The following VPS13A variants were observed in gnomAD, a reference collection of about 807,000 sequenced individuals.
The protein encoded by VPS13A is vacuolar protein sorting 13 homolog A.
VPS13A carries 264 observed loss-of-function variants against 390.9 expected under a neutral mutation model. The ratio of observed to expected loss-of-function variants is 0.68; its 90% confidence interval spans 0.61 to 0.75. The LOEUF (loss-of-function observed/expected upper bound fraction) is 0.75. Ranked by LOEUF, VPS13A falls within the 30% of genes least tolerant of loss-of-function variation. VPS13A has a pLI of 0.00. For missense variants in VPS13A, 3,409 were observed against 3,733.9 expected (o/e 0.91, Z 2.27); for synonymous variants, 1,231 against 1,227.1 (o/e 1.00, Z -0.07).
At position 77,238,294 on chromosome 9, in the gene VPS13A, A is replaced by T. The variant is rs1376398985; in HGVS notation, c.1808A>T (p.Glu603Val). Reference sequence around the variant, plus strand: ...CAGAGGACAGTGAATAGTATAGTGGAATTCTTCAGACCTCCAAAAGAGGTA... The same window carrying T: ...CAGAGGACAGTGAATAGTATAGTGGTATTCTTCAGACCTCCAAAAGAGGTA... ...YDARTVNSIV[E>V]FFRPPKEVHL... Residue 603 changes from glutamate (E) to valine (V), a missense_variant, in exon 19 of 72, where the codon GAA becomes GTA. This residue lies in a region of VPS13A where 2,717 missense variants were observed against 2,917.4 expected (regional missense o/e 0.93). Transcript: ENST00000360280. 3 of 1,613,860 alleles carry T rather than the reference A, an allele frequency of 1.9e-6. No individual in the cohort carries two copies. Among genetic ancestry groups the T allele is most frequent in the Non-Finnish European group, 2.5e-6 (3 of 1,179,926 alleles).
intron 29 of VPS13A, 128 bp from the exon 30 acceptor site, chr9:77,283,227 A>C (rs1382259460): frequency 1.6e-6 from 1 of 624,100 alleles, no homozygotes; most frequent in Non-Finnish European, 2.9e-6. Context: ...CTTGCTTTCA[A>C]CTGAATTGCA....
chr9:77,352,069 G>T (rs1038120827), intron 53 of VPS13A, among the ~76,000 whole-genome samples: 1 of 152,128 alleles, frequency 6.6e-6, no homozygotes, highest in African/African-American at 2.4e-5. Context: ...GAATAAAGTT[G>T]TGTTTAGAGA....
chr9:77,360,791 A>G (rs1432347414), intron 59 of VPS13A, 150 bp downstream of exon 59: 7 of 611,742 alleles, frequency 1.1e-5, no homozygotes, highest in Admixed American at 3.1e-5. Flanking sequence ...CTTTTTAGAA[A>G]TCTTATTTTC....
intron 52 of VPS13A, among the ~76,000 whole-genome samples, chr9:77,348,107 G>A (rs1305050199): frequency 6.6e-6 from 1 of 152,142 alleles, no homozygotes; most frequent in Admixed American, 6.5e-5. Flanking sequence ...ATTTGACCCA[G>A]CAGTCCCCTT....
intron 10 of VPS13A, among the ~76,000 whole-genome samples, chr9:77,216,300 C>T (rs1822859390): frequency 6.6e-6 from 1 of 152,102 alleles, no homozygotes; most frequent in Non-Finnish European, 1.5e-5. Context: ...TGATAACTGG[C>T]ATACCTGTTG....
rs989363847 is a variant in VPS13A at position 77,190,876 on chromosome 9, G to T, written c.101-9069G>T. Among the ~76,000 whole-genome samples the T allele has an allele frequency of 3.3e-5, 5 of 152,040 alleles. No individual in the cohort carries two copies. The East Asian group carries it at 9.6e-4, about 29-fold the overall frequency. On this transcript the variant is annotated intron_variant, in intron 1 of 71. Transcript: ENST00000360280. ...AGTGTGCATAGAGATGTTCATAATAGCCTCTAAGGATTTTTTGTATTTCTC... is the reference window on the plus strand; with the variant it reads ...AGTGTGCATAGAGATGTTCATAATATCCTCTAAGGATTTTTTGTATTTCTC...
chr9:77,337,637 A>G, intron 47 of VPS13A, 100 bp downstream of exon 47: 1 of 1,209,640 alleles, frequency 8.3e-7, no homozygotes, highest in Non-Finnish European at 1.2e-6. Context: ...TCTAATAAAA[A>G]TTAGAATACT....
At chr9:77,306,015 T>C (rs1828718844) in intron 34 of VPS13A, among the ~76,000 whole-genome samples, 1 of 152,110 alleles carries the variant, frequency 6.6e-6, no homozygotes, top group Admixed American at 6.5e-5. Context: ...CTGGAAGACA[T>C]GGTTTAGAAG....
At chr9:77,180,898 G>T (rs1451694386) in intron 1 of VPS13A, among the ~76,000 whole-genome samples, 1 of 152,048 alleles carries the variant, frequency 6.6e-6, no homozygotes, top group Non-Finnish European at 1.5e-5. Context: ...AAAATAACAA[G>T]TCATTGTCCA....
intron 5 of VPS13A, among the ~76,000 whole-genome samples, chr9:77,208,857 G>A (rs1825819086): frequency 6.6e-6 from 1 of 152,092 alleles, no homozygotes; most frequent in Non-Finnish European, 1.5e-5. Flanking sequence ...TCCAATTCTT[G>A]ATTCTTTCTA....
intron 58 of VPS13A, 120 bp downstream of exon 58, chr9:77,359,522 ACGTC>A: frequency 2.1e-6 from 2 of 974,538 alleles, no homozygotes; most frequent in Admixed American, 4.6e-5. Flanking sequence ...TTAATTATAA[ACGTC>A]AAATAAAAAA....
intron 35 of VPS13A, among the ~76,000 whole-genome samples, chr9:77,310,031 T>C (rs904454058): frequency 2.6e-5 from 4 of 152,166 alleles, no homozygotes; most frequent in African/African-American, 9.6e-5. Context: ...CTAAGGAAAG[T>C]GGTTTTTGAA....
chr9:77,360,387 G>A (rs2131563125), intron 58 of VPS13A, 149 bp from the exon 59 acceptor site: 1 of 606,476 alleles, frequency 1.6e-6, no homozygotes, highest in Non-Finnish European at 2.9e-6. Flanking sequence ...GTTATTAACA[G>A]TGTTCCATGA....
intron 62 of VPS13A, among the ~76,000 whole-genome samples, chr9:77,368,835 A>G (rs564494248): frequency 6.6e-6 from 1 of 152,342 alleles, no homozygotes; most frequent in East Asian, 1.9e-4. Flanking sequence ...TTTAAAAGCT[A>G]AGAATAGCGA....
In VPS13A at chr9:77,371,920, C is replaced by T. The variant is rs1204579086; in HGVS notation, c.9077+771C>T. ...TGCGGTGTTTGGTTTTTTGTTCTTG[C>T]GATAGTTTACTGAGAATGATGATTT... is the stretch of plus-strand genomic sequence containing the variant. On this transcript the variant is annotated intron_variant, in intron 67 of 71. Transcript: ENST00000360280. Among the ~76,000 whole-genome samples the T allele has an allele frequency of 4.3e-5, 6 of 140,332 alleles. 1 individual carries two copies. The highest frequency in any genetic ancestry group is 7.3e-5 in the Admixed American group (1 of 13,618). 92.1% of individuals were successfully genotyped at this position (140,332 alleles called of 152,430 possible).
intron 68 of VPS13A, among the ~76,000 whole-genome samples, chr9:77,399,083 G>A (rs1019913113): frequency 4.2e-5 from 6 of 141,804 alleles, no homozygotes; most frequent in Non-Finnish European, 7.6e-5. Context: ...CACATTAGTG[G>A]GTGCAGCGCA....
chr9:77,318,187 T>G, intron 40 of VPS13A, 48 bp from the exon 41 acceptor site: 1 of 1,039,716 alleles, frequency 9.6e-7, no homozygotes, highest in Non-Finnish European at 1.4e-6. Context: ...CTTGACGTAG[T>G]ATGTTTGAAA....
At position 77,177,844 on chromosome 9, in the gene VPS13A, T is replaced by G. The variant is rs1279496003; in HGVS notation, c.100+40T>G. The G allele has an allele frequency of 6.4e-6, 10 of 1,563,820 alleles. No individual in the cohort carries two copies. In the South Asian group the frequency reaches 1.1e-4, roughly 18 times the overall value. ...GCCGCCGCTCCCCGGCCTCTCGTGC[T>G]TCCCGGCCGTCTCGCTGCCCGAGCG... On this transcript the variant is annotated intron_variant, in intron 1 of 71. Coordinates refer to ENST00000360280, the MANE Select transcript of VPS13A (RefSeq NM_033305.3).
chr9:77,358,059 G>A (rs1273749484), intron 56 of VPS13A, among the ~76,000 whole-genome samples: 5 of 147,704 alleles, frequency 3.4e-5, no homozygotes, highest in South Asian at 4.4e-4. Context: ...AGGTTCAAGC[G>A]ATTCTGCTGC....
Sources: gnomAD v4.1 joint callset for allele counts (sites outside exome capture counted in the v4.1 genomes callset) on GRCh38, gnomAD v4.1.1 for gene constraint, gnomAD v4.1.1 regional missense constraint, MANE v1.5 for transcripts, NCBI Gene and HGNC (gene_info 2026-07-23, HGNC 2026-07-21) for gene names.